The following ITSN2 variants were observed in gnomAD, a reference collection of about 807,000 sequenced individuals.
ITSN2 encodes intersectin 2, also known as intersectin-2.
In ITSN2, 156 loss-of-function variants were observed where a neutral mutation model predicts 243.7. The observed-to-expected ratio is 0.64, with a 90% CI of 0.56 to 0.73. The LOEUF (loss-of-function observed/expected upper bound fraction) is 0.73. Among genes scored for constraint, ITSN2 ranks in the 30% least tolerant of loss-of-function variants. ITSN2 has a pLI of 0.00. For missense variants in ITSN2, 1,801 were observed against 1,996.1 expected, an observed-to-expected ratio of 0.90 and a Z score of 1.86; for synonymous variants, 703 against 699.9, an observed-to-expected ratio of 1.00 and a Z score of -0.07.
At chr2:24,270,828 C>T in intron 19 of ITSN2, 60 bp from the exon 20 acceptor site, 1 of 854,330 alleles carries the variant, frequency 1.2e-6, no homozygotes, top group Non-Finnish European at 1.9e-6. Context: ...TGCTATGACT[C>T]AATAAAGAGC....
intron 36 of ITSN2, among the ~76,000 whole-genome samples, chr2:24,208,778 G>C (rs1669184582): frequency 6.6e-6 from 1 of 152,208 alleles, no homozygotes; most frequent in Non-Finnish European, 1.5e-5. Flanking sequence ...GCCCAAGGAG[G>C]CCTCGGAAAC....
intron 16 of ITSN2, among the ~76,000 whole-genome samples, chr2:24,285,315 G>A (rs1244358427): frequency 2.0e-5 from 3 of 152,114 alleles, no homozygotes; most frequent in Non-Finnish European, 2.9e-5. Context: ...CTTGTGTAAA[G>A]TGTATTATTA....
chr2:24,284,339 T>G (rs1356516261), intron 17 of ITSN2, among the ~76,000 whole-genome samples: 1 of 152,214 alleles, frequency 6.6e-6, no homozygotes, highest in Non-Finnish European at 1.5e-5. Context: ...AGCAGCTTGG[T>G]GCATATATGA....
intron 10 of ITSN2, among the ~76,000 whole-genome samples, chr2:24,301,606 G>A (rs1037696202): frequency 2.0e-5 from 3 of 150,326 alleles, no homozygotes; most frequent in African/African-American, 7.4e-5. Flanking sequence ...ACTTACTGTA[G>A]CCTTGAACTT....
In ITSN2 at chr2:24,298,670, C is replaced by A; in HGVS notation, c.1489G>T (p.Ala497Ser). Residue 497 changes from alanine (A) to serine (S), a missense_variant, in exon 13 of 40, where the codon GCA becomes TCA. This residue lies in a region of ITSN2 where 787 missense variants were observed against 803.9 expected (regional missense o/e 0.98). Coordinates refer to ENST00000355123, the MANE Select transcript of ITSN2 (RefSeq NM_006277.3). ...CACTTAAACTTCAGCCATACCAGTG[C>A]TTCCAACTCAAGATGAAGATTCTTC... Reference protein sequence around the residue: ...KKKNLHLELEALNGKHQQISG... With the variant: ...KKKNLHLELESLNGKHQQISG... 2 of 1,599,328 alleles carry A rather than the reference C, an allele frequency of 1.3e-6. No individual in the cohort carries two copies.
Position 24,308,684 on chromosome 2 carries a change from C to G in ITSN2, c.726G>C (p.Gln242His). The G allele has an allele frequency of 6.5e-7, 1 of 1,534,694 alleles. No individual in the cohort carries two copies. The change falls in exon 8 of 40, where the codon CAG becomes CAC. Residue 242 changes from glutamine (Q) to histidine (H), a missense_variant. Gln to His is a conservative substitution (Grantham distance 24, BLOSUM62 0). Coordinates refer to ENST00000355123, the MANE Select transcript of ITSN2 (RefSeq NM_006277.3). ...KTGTSEWAVP[Q>H]PTRLKYRQKF... is the part of the protein sequence containing the mutation. ...TTTGCCGATATTTTAATCTTGTAGG[C>G]TGAGGAACTGCCCACTCTGAGGTCC... is the stretch of plus-strand genomic sequence containing the variant.
chr2:24,284,768 G>A lies in ITSN2; in HGVS notation c.1939C>T (p.Leu647Phe), dbSNP rs753865373. ...LSCLNNLFLL[L>F]KELRETYNTQ... Reference sequence around the variant, plus strand: ...GCTAGATATTAGAAAATAACCTTAAGTAAGAGGAAGAGGTTGTTGAGACAG... The same window carrying A: ...GCTAGATATTAGAAAATAACCTTAAATAAGAGGAAGAGGTTGTTGAGACAG... The change falls in exon 17 of 40, where the codon CTT becomes TTT. Residue 647 changes from leucine to phenylalanine, a missense_variant. Leu to Phe is a conservative substitution (Grantham distance 22). Around this residue, in one of 5 missense-constraint regions of ITSN2, gnomAD observed 787 missense variants for 803.9 expected, o/e 0.98. Coordinates refer to ENST00000355123, the MANE Select transcript of ITSN2 (RefSeq NM_006277.3). The A allele has an allele frequency of 2.5e-6, 4 of 1,577,814 alleles. No homozygotes were observed. The South Asian group carries it at 3.3e-5, about 13-fold the overall frequency.
At chr2:24,312,842 GC>G (rs1683419473) in intron 4 of ITSN2, among the ~76,000 whole-genome samples, 1 of 152,084 alleles carries the variant, frequency 6.6e-6, no homozygotes, top group African/African-American at 2.4e-5. Context: ...TAAAGAAGGA[GC>G]AGGGGAAGCG....
chr2:24,257,826 GGCTGACTCA>G, intron 23 of ITSN2, 53 bp downstream of exon 23: 1 of 1,221,532 alleles, frequency 8.2e-7, no homozygotes, highest in South Asian at 1.2e-5. Flanking sequence ...ATCAGACCAT[GGCTGACTCA>G]TTAGTGAAAA....
intron 24 of ITSN2, among the ~76,000 whole-genome samples, chr2:24,253,772 T>C (rs1014702045): frequency 6.6e-6 from 1 of 152,240 alleles, no homozygotes; most frequent in Non-Finnish European, 1.5e-5. Context: ...TAGCAAAACA[T>C]AAAATGTACC....
Position 24,298,499 on chromosome 2 carries a change from G to A in ITSN2, c.1494+166C>T, listed in dbSNP as rs540942167. ...TTTAGTAGAGATGGGGTTTCACCAT[G>A]TTGGCCAGGCTGGTTTCAAACTCCT... On this transcript the variant is annotated intron_variant, in intron 13 of 39. Transcript: ENST00000355123. Among the ~76,000 whole-genome samples the A allele has an allele frequency of 5.9e-5, 9 of 151,666 alleles. No individual in the cohort carries two copies. The South Asian group carries it at 1.3e-3, about 21-fold the overall frequency.
At chr2:24,219,279 T>G (rs1285359876) in intron 30 of ITSN2, among the ~76,000 whole-genome samples, 3 of 152,210 alleles carry the variant, frequency 2.0e-5, no homozygotes, top group African/African-American at 7.2e-5. Context: ...GGCATAGCCC[T>G]TTGCACATCG....
chr2:24,355,589 G>A (rs1479092491), intron 1 of ITSN2, among the ~76,000 whole-genome samples: 1 of 152,146 alleles, frequency 6.6e-6, no homozygotes, highest in Non-Finnish European at 1.5e-5. Context: ...AACTTGAGAT[G>A]AATTAAAGAC....
intron 2 of ITSN2, chr2:24,326,622 T>C (rs1387081179): frequency 1.2e-5 from 2 of 169,044 alleles, no homozygotes; most frequent in Admixed American, 6.5e-5. Flanking sequence ...TCAATGTTTA[T>C]AATCCCACAC....
chr2:24,280,153 T>C (rs1678579752), intron 17 of ITSN2, among the ~76,000 whole-genome samples: 1 of 152,232 alleles, frequency 6.6e-6, no homozygotes, highest in South Asian at 2.1e-4. Flanking sequence ...TACATGCATA[T>C]TGCAGGTTCC....
chr2:24,224,571 T>TG (rs1670829342), intron 29 of ITSN2, among the ~76,000 whole-genome samples: 1 of 152,148 alleles, frequency 6.6e-6, no homozygotes, highest in African/African-American at 2.4e-5. Flanking sequence ...CAGGATAATG[T>TG]GGGGACACCC....
At chr2:24,237,209 A>G (rs1288261940) in intron 29 of ITSN2, among the ~76,000 whole-genome samples, 1 of 152,234 alleles carries the variant, frequency 6.6e-6, no homozygotes, top group Non-Finnish European at 1.5e-5. Flanking sequence ...GAGGTAATAC[A>G]TTCAAGGACC....
intron 18 of ITSN2, among the ~76,000 whole-genome samples, chr2:24,272,755 C>A (rs1272240649): frequency 6.6e-6 from 1 of 152,084 alleles, no homozygotes; most frequent in Non-Finnish European, 1.5e-5. Flanking sequence ...ATTATTACTT[C>A]AAAAAGTCTT....
intron 13 of ITSN2, among the ~76,000 whole-genome samples, chr2:24,297,988 CT>C (rs760279389): frequency 3.3e-3 from 474 of 142,946 alleles, no homozygotes; most frequent in Middle Eastern, 7.2e-3. Flanking sequence ...TTACATTTTT[CT>C]TTTTTTTTTT....
Sources: gnomAD v4.1 joint callset for allele counts (sites outside exome capture counted in the v4.1 genomes callset) on GRCh38, gnomAD v4.1.1 for gene constraint, gnomAD v4.1.1 regional missense constraint, MANE v1.5 for transcripts, NCBI Gene and HGNC (gene_info 2026-07-23, HGNC 2026-07-21) for gene names.